Variants in EIF5 observed in about 807,000 individuals in gnomAD.
The protein encoded by EIF5 is eukaryotic translation initiation factor 5.
In EIF5, 10 loss-of-function variants were observed where a neutral mutation model predicts 48.3. The observed-to-expected ratio is 0.21, with a 90% confidence interval of 0.13 to 0.35. The LOEUF is 0.35. Among genes scored for constraint, EIF5 ranks in the 10% least tolerant of loss-of-function variants. The pLI is 1.00. For missense variants in EIF5, 397 were observed against 533.2 expected, an observed-to-expected ratio of 0.74 and a Z score of 2.51; for synonymous variants, 237 against 173.1, an observed-to-expected ratio of 1.37 and a Z score of -2.90.
At position 103,335,713 on chromosome 14, in the gene EIF5, A is replaced by T; in HGVS notation, c.-148A>T. The T allele has an allele frequency of 1.3e-6, 1 of 743,198 alleles. No individual in the cohort carries two copies. The highest frequency in any genetic ancestry group is 2.3e-6 in the Non-Finnish European group (1 of 437,738). 46.0% of individuals were successfully genotyped at this position (743,198 alleles called of 1,614,324 possible). The stretch of plus-strand genomic sequence containing the variant: ...AACATAGCATACAAGCAAGAAGCTT[A>T]CAGCCTCAGTGGCGAAAATTTTTTC... On this transcript the variant is annotated 5_prime_UTR_variant, in exon 3 of 12. Transcript: ENST00000216554.
Position 103,343,013 on chromosome 14 carries a change from A to G in EIF5, c.*1961A>G, listed in dbSNP as rs1331999781. ...AAAAATTTGGCTTAAACCAGTGTTC[A>G]GTCTGGTGCCAAACTTCGAATGGAA... On this transcript the variant is annotated 3_prime_UTR_variant, in exon 12 of 12. Transcript: ENST00000216554. 6.5e-6 allele frequency: 1 copy of G among 152,682 alleles called. No individual in the cohort carries two copies. Among genetic ancestry groups the G allele is most frequent in the Non-Finnish European group, 1.5e-5 (1 of 68,042 alleles). 9.5% of individuals were successfully genotyped at this position (152,682 alleles called of 1,614,324 possible).
At position 103,343,869 on chromosome 14, in the gene EIF5, A is replaced by G. The variant is rs2089382616; in HGVS notation, c.*2817A>G. On this transcript the variant is annotated 3_prime_UTR_variant, in exon 12 of 12. Coordinates refer to ENST00000216554, the MANE Select transcript of EIF5 (RefSeq NM_001969.5). ...TTTGACAAGTCTGCAGACAATCCTT[A>G]TCTAACCAGCTATTTTCTTAATTGC... The G allele has an allele frequency of 6.6e-6, 1 of 152,156 alleles. No individual in the cohort carries two copies. 9.4% of individuals were successfully genotyped at this position (152,156 alleles called of 1,614,324 possible). A position where few individuals can be genotyped will look rare whatever the true frequency, so the allele number is the denominator to read the frequency against.
At chr14:103,338,914 G>A (rs752581668) in intron 8 of EIF5, 21 bp downstream of exon 8, 44 of 1,609,578 alleles carry the variant, frequency 2.7e-5, no homozygotes, top group Non-Finnish European at 3.7e-5. Context: ...TGCTTGGTCT[G>A]TAAATCAGCT....
chr14:103,337,078 T>C (rs2089295499), intron 5 of EIF5, 38 bp from the exon 6 acceptor site: 1 of 1,566,926 alleles, frequency 6.4e-7, no homozygotes, highest in Middle Eastern at 2.3e-4. Context: ...GATATTTTCA[T>C]GTTATATTAT....
At position 103,343,097 on chromosome 14, in the gene EIF5, C is replaced by G. The variant is rs1336120094; in HGVS notation, c.*2045C>G. 3.9e-5 allele frequency: 6 copies of G among 152,710 alleles called. No individual in the cohort carries two copies. The East Asian group carries it at 9.6e-4, about 25-fold the overall frequency. 9.5% of individuals were successfully genotyped at this position (152,710 alleles called of 1,614,324 possible). A position where few individuals can be genotyped will look rare whatever the true frequency, so the allele number is the denominator to read the frequency against. ...GTTATCCTAATAGAGTAATTCTTCA[C>G]TTTGCTCTATTGAACTGTCTTAAGG... is the stretch of plus-strand genomic sequence containing the variant. On this transcript the variant is annotated 3_prime_UTR_variant, in exon 12 of 12. Coordinates refer to ENST00000216554, the MANE Select transcript of EIF5 (RefSeq NM_001969.5).
At chr14:103,335,305 G>A (rs1433456519) in intron 2 of EIF5, 1 of 154,988 alleles carries the variant, frequency 6.5e-6, no homozygotes, top group Non-Finnish European at 1.4e-5. Context: ...GGGGTGGGCG[G>A]CGGAGAGGGC....
At chr14:103,339,925 C>T (rs1165033483) in intron 10 of EIF5, 122 bp downstream of exon 10, 6 of 1,146,858 alleles carry the variant, frequency 5.2e-6, no homozygotes, top group Non-Finnish European at 7.2e-6. Flanking sequence ...GTGGTATGAT[C>T]TCAGCTCCCT....
At chr14:103,334,852 C>T (rs1282316094) in intron 2 of EIF5, 7 of 152,046 alleles carry the variant, frequency 4.6e-5, no homozygotes, top group Non-Finnish European at 1.0e-4. Flanking sequence ...TCATCGCGCG[C>T]TCTGGGGCGG....
chr14:103,339,720 A>G lies in EIF5; in HGVS notation c.988A>G (p.Ile330Val). 6.2e-6 allele frequency: 10 copies of G among 1,614,268 alleles called. No individual in the cohort carries two copies. Among genetic ancestry groups the G allele is most frequent in the Non-Finnish European group, 8.5e-6 (10 of 1,180,046 alleles). The change falls in exon 10 of 12, where the codon ATC becomes GTC. Residue 330 changes from isoleucine (I) to valine (V), a missense_variant. Transcript: ENST00000216554. The part of the protein sequence containing the change: ...CVVAMHQAQL[I>V]SKIPHILKEM... The stretch of plus-strand genomic sequence containing the variant: ...GGTAGCAATGCATCAAGCTCAGCTT[A>G]TCTCCAAGATTCCACATATCTTGAA...
At chr14:103,339,460 C>G in intron 9 of EIF5, 127 bp downstream of exon 9, 3 of 1,419,576 alleles carry the variant, frequency 2.1e-6, no homozygotes, top group Non-Finnish European at 2.9e-6. Flanking sequence ...TTACAAGCCT[C>G]TGAGTATCTG....
At chr14:103,339,482 C>T (rs2089327715) in intron 9 of EIF5, 149 bp downstream of exon 9, 3 of 1,398,972 alleles carry the variant, frequency 2.1e-6, no homozygotes, top group Non-Finnish European at 2.0e-6. Context: ...AAGTGCCATA[C>T]CTAGGCCCTT....
chr14:103,334,751 C>T (rs924261056), intron 2 of EIF5, 154 bp downstream of exon 2: 3 of 147,952 alleles, frequency 2.0e-5, no homozygotes. Context: ...CGCTCCCCGG[C>T]CCGGCCTCGC....
intron 5 of EIF5, 95 bp from the exon 6 acceptor site, chr14:103,337,021 T>C: frequency 7.3e-7 from 1 of 1,372,548 alleles, no homozygotes; most frequent in Non-Finnish European, 9.8e-7. Flanking sequence ...GTGAAAAAAG[T>C]TTTCTTTGCA....
In EIF5 at chr14:103,344,467, AGAG is replaced by A. The variant is rs141021589; in HGVS notation, c.*3424_*3426del. On this transcript the variant is annotated 3_prime_UTR_variant, in exon 12 of 12. Coordinates refer to ENST00000216554, the MANE Select transcript of EIF5 (RefSeq NM_001969.5). ...TTATGCAGTCAATTATTTCTTTTTAAGAGGAGGAGGATTCACTTGGGTGTTGGG... is the reference window on the plus strand; with the variant it reads ...TTATGCAGTCAATTATTTCTTTTTAAGAGGAGGATTCACTTGGGTGTTGGG... 1.3e-5 allele frequency: 2 copies of A among 152,192 alleles called. No individual in the cohort carries two copies. The highest frequency in any genetic ancestry group is 2.9e-5 in the Non-Finnish European group (2 of 68,058). 9.4% of individuals were successfully genotyped at this position (152,192 alleles called of 1,614,324 possible).
Position 103,343,010 on chromosome 14 carries a change from T to A in EIF5, c.*1958T>A, listed in dbSNP as rs1045517551. 2.6e-5 allele frequency: 4 copies of A among 152,644 alleles called. No homozygotes were observed. The highest frequency in any genetic ancestry group is 4.4e-5 in the Non-Finnish European group (3 of 68,032). The allele number at this position is 152,644 out of a possible 1,614,324, so 9.5% of individuals were successfully genotyped here. A position where few individuals can be genotyped will look rare whatever the true frequency, so the allele number is the denominator to read the frequency against. On this transcript the variant is annotated 3_prime_UTR_variant, in exon 12 of 12. Coordinates refer to ENST00000216554, the MANE Select transcript of EIF5 (RefSeq NM_001969.5). ...CTAAAAAATTTGGCTTAAACCAGTG[T>A]TCAGTCTGGTGCCAAACTTCGAATG...
Position 103,338,419 on chromosome 14 carries a change from A to ACACCACCACCACCAC in EIF5, c.541_555dup (p.Pro181_Pro185dup). 6.2e-7 allele frequency: 1 copy of ACACCACCACCACCAC among 1,600,538 alleles called. No homozygotes were observed. The highest frequency in any genetic ancestry group is 1.1e-5 in the South Asian group (1 of 89,928). On this transcript the variant is annotated inframe_insertion, in exon 7 of 12. Transcript: ENST00000216554. Reference sequence around the variant, plus strand: ...AAATGGCTCCGTATCCAGCAGTGAGACACCACCACCACCACCACCACCAAA... The same window carrying ACACCACCACCACCAC: ...AAATGGCTCCGTATCCAGCAGTGAGACACCACCACCACCACCACCACCACCACCACCACCACCAAA...
At position 103,336,726 on chromosome 14, in the gene EIF5, T is replaced by C. The variant is rs780756226; in HGVS notation, c.204T>C (p.Asp68=). 1.5e-5 allele frequency: 24 copies of C among 1,613,926 alleles called. No individual in the cohort carries two copies. In the African/African-American group the frequency reaches 2.9e-4, roughly 20 times the overall value. ...GCELGAQTQF[D]VKNDRYIVNG... is the part of the protein sequence containing the mutation. ...AGCTGGGAGCACAGACCCAGTTTGA[T>C]GTTAAGAATGACCGTTACATTGTCA... The change falls in exon 5 of 12, where the codon GAT becomes GAC. Residue 68 remains aspartate, a synonymous_variant. Coordinates refer to ENST00000216554, the MANE Select transcript of EIF5 (RefSeq NM_001969.5).
At position 103,336,457 on chromosome 14, in the gene EIF5, TGTA is replaced by T. The variant is rs1449541663; in HGVS notation, c.155-217_155-215del. On this transcript the variant is annotated intron_variant, in intron 4 of 11. Transcript: ENST00000216554. ...TTAGCCAGGCGTGGTGGCATGCGCT[TGTA>T]GTCCCAGCTACTTGGGAGGCTGAAG... 5 of 571,774 alleles carry T rather than the reference TGTA, an allele frequency of 8.7e-6. No individual in the cohort carries two copies. The East Asian group carries it at 1.5e-4, about 17-fold the overall frequency. 35.4% of individuals were successfully genotyped at this position (571,774 alleles called of 1,614,324 possible).
chr14:103,339,893 C>T (rs367729571), intron 10 of EIF5, 90 bp downstream of exon 10: 11 of 1,419,910 alleles, frequency 7.7e-6, no homozygotes, highest in Middle Eastern at 2.4e-4. Flanking sequence ...GAGTCTCATT[C>T]TGTTGTCCAG....
Sources: gnomAD v4.1 joint callset for allele counts on GRCh38, gnomAD v4.1.1 for gene constraint, MANE v1.5 for transcripts, NCBI Gene and HGNC (gene_info 2026-07-23, HGNC 2026-07-21) for gene names.